Variants in TRIM64B observed in about 807,000 individuals in gnomAD.
TRIM64B encodes tripartite motif-containing protein 64B.
For synonymous variants in TRIM64B, 17 were observed against 190.3 expected, an observed-to-expected ratio of 0.09 and a Z score of 7.50; for missense variants, 57 against 536.4, an observed-to-expected ratio of 0.11 and a Z score of 8.83.
chr11:89,871,332 T>C (rs1590884184), intron 5 of TRIM64B, among the ~76,000 whole-genome samples: 1 of 152,330 alleles, frequency 6.6e-6, no homozygotes, highest in East Asian at 1.9e-4. Flanking sequence ...AACGTGACCA[T>C]ACCACAGGGG....
At chr11:89,872,519 A>T in intron 4 of TRIM64B, among the ~76,000 whole-genome samples, 1 of 151,754 alleles carries the variant, frequency 6.6e-6, no homozygotes, top group Non-Finnish European at 1.5e-5. Flanking sequence ...TTCCCCAGAT[A>T]CGTTATTCTC....
At chr11:89,876,921 G>C (rs1469693458), upstream of TRIM64B, among the ~76,000 whole-genome samples, 7 of 148,914 alleles carry the variant, frequency 4.7e-5, no homozygotes, top group African/African-American at 1.7e-4. Flanking sequence ...GTCATTCCCA[G>C]TTACCTAGAC....
At position 89,873,093 on chromosome 11, in the gene TRIM64B, T is replaced by C. The variant is rs576815316; in HGVS notation, c.758+175A>G. Among the ~76,000 whole-genome samples, 17 of 152,234 alleles carry C rather than the reference T, an allele frequency of 1.1e-4. No individual in the cohort carries two copies. The South Asian group carries it at 2.9e-3, about 26-fold the overall frequency. ...TTGTTTTTATGTATGTTTTAATTCA[T>C]ACAAATTTTAAGATGAAAACTTTCC... is the stretch of plus-strand genomic sequence containing the variant. On this transcript the variant is annotated intron_variant, in intron 4 of 5. Transcript: ENST00000329862.
upstream of TRIM64B, among the ~76,000 whole-genome samples, chr11:89,876,235 T>A (rs1273588566): frequency 3.6e-5 from 5 of 137,126 alleles, no homozygotes; most frequent in African/African-American, 1.0e-4. Context: ...GAAGATTCGG[T>A]CAAGGACTCC....
At chr11:89,877,465 C>T (rs1385556013), upstream of TRIM64B, among the ~76,000 whole-genome samples, 1 of 144,500 alleles carries the variant, frequency 6.9e-6, no homozygotes, top group Admixed American at 7.0e-5. Context: ...TTCCACTCTA[C>T]ACTAGAAAAT....
chr11:89,873,113 C>T (rs1473952319), intron 4 of TRIM64B, among the ~76,000 whole-genome samples, 155 bp downstream of exon 5: 1 of 152,102 alleles, frequency 6.6e-6, no homozygotes, highest in South Asian at 2.1e-4. Flanking sequence ...AAGATGAAAA[C>T]TTTCCAGACC....
chr11:89,875,144 A>G (rs1773826079), intron 1 of TRIM64B, 71 bp from the exon 3 acceptor site: 1 of 1,524,446 alleles, frequency 6.6e-7, no homozygotes, highest in Non-Finnish European at 8.8e-7. Context: ...ATCTTAAAAA[A>G]AAAGGCTGTA....
intron 4 of TRIM64B, among the ~76,000 whole-genome samples, 169 bp from the exon 6 acceptor site, chr11:89,872,481 C>G (rs1453899510): frequency 6.6e-6 from 1 of 151,790 alleles, no homozygotes; most frequent in Non-Finnish European, 1.5e-5. Context: ...GTTACTTTTT[C>G]TAAACTTTGC....
upstream of TRIM64B, among the ~76,000 whole-genome samples, chr11:89,877,920 C>T (rs1321460310): frequency 7.4e-5 from 11 of 149,202 alleles, no homozygotes; most frequent in South Asian, 1.3e-3. Context: ...CATGCCCAGC[C>T]GATTAAATCT....
chr11:89,872,953 C>T (rs1344087303), intron 4 of TRIM64B, among the ~76,000 whole-genome samples: 21 of 151,278 alleles, frequency 1.4e-4, no homozygotes, highest in African/African-American at 4.9e-4. Flanking sequence ...AACCTCCCAC[C>T]CCTCTAGAGT....
exon 6 of TRIM64B, chr11:89,870,440 A>G: frequency 1.1e-6 from 1 of 943,490 alleles, no homozygotes. Flanking sequence ...ACAATAACTT[A>G]TTAATTAAAA....
In TRIM64B at chr11:89,874,144, TG is replaced by T. The variant is rs1950140574; in HGVS notation, c.639del (p.Asp213GlufsTer4). 1 of 1,547,376 alleles carries T rather than the reference TG, an allele frequency of 6.5e-7. No individual in the cohort carries two copies. Among genetic ancestry groups the T allele is most frequent in the South Asian group, 1.2e-5 (1 of 83,862 alleles). ...AAATGTTGGGTCATTCTCACTTGACTGTCTTGTAGTTGTTGGAAAAGCTCTT... is the reference window on the plus strand; with the variant it reads ...AAATGTTGGGTCATTCTCACTTGACTTCTTGTAGTTGTTGGAAAAGCTCTT... On this transcript the variant is annotated frameshift_variant, in exon 3 of 6. Transcript: ENST00000329862. LOFTEE classifies it high-confidence loss of function.
chr11:89,876,460 T>C (rs1404616924), upstream of TRIM64B, among the ~76,000 whole-genome samples: 1 of 149,488 alleles, frequency 6.7e-6, no homozygotes, highest in African/African-American at 2.4e-5. Context: ...GCGGTACTCA[T>C]GCCTGTAATC....
upstream of TRIM64B, among the ~76,000 whole-genome samples, chr11:89,876,785 T>G (rs1268688943): frequency 2.0e-5 from 3 of 149,470 alleles, no homozygotes; most frequent in Non-Finnish European, 3.0e-5. Context: ...TAAATATTTT[T>G]TATCTGAGAT....
intron 5 of TRIM64B, among the ~76,000 whole-genome samples, chr11:89,871,343 AAAT>A (rs1224364379): frequency 1.3e-5 from 2 of 152,224 alleles, no homozygotes; most frequent in African/African-American, 2.4e-5. Context: ...ACCACAGGGG[AAAT>A]AATGATTTAA....
chr11:89,875,111 A>G, intron 1 of TRIM64B, 38 bp from the exon 3 acceptor site: 4 of 1,538,774 alleles, frequency 2.6e-6, no homozygotes, highest in Non-Finnish European at 3.5e-6. Context: ...TAATGAAGAC[A>G]GTATAGTAGA....
At chr11:89,877,216 A>G (rs1950170984), upstream of TRIM64B, among the ~76,000 whole-genome samples, 1 of 99,128 alleles carries the variant, frequency 1.0e-5, no homozygotes. Flanking sequence ...TAAAATTATC[A>G]ACCATTAAAT....
chr11:89,871,088 T>TC lies in TRIM64B; in HGVS notation c.882dup (p.Ile295AspfsTer9). 6.5e-7 allele frequency: 1 copy of TC among 1,539,608 alleles called. No homozygotes were observed. Among genetic ancestry groups the TC allele is most frequent in the Non-Finnish European group, 8.8e-7 (1 of 1,138,238 alleles). ...TCAGAAAGGCTTATATAGCAAGGAA[T>TC]CATTTCCGTGCTCAGAGCACTATCC... On this transcript the variant is annotated frameshift_variant, in exon 6 of 6. Coordinates refer to ENST00000329862, the Ensembl canonical transcript of TRIM64B. LOFTEE classifies it high-confidence loss of function.
At chr11:89,872,622 C>G (rs1950122733) in intron 4 of TRIM64B, among the ~76,000 whole-genome samples, 1 of 151,852 alleles carries the variant, frequency 6.6e-6, no homozygotes, top group Admixed American at 6.5e-5. Flanking sequence ...GGAAATATTT[C>G]AGAGAGCAGA....
Sources: gnomAD v4.1 joint callset for allele counts (sites outside exome capture counted in the v4.1 genomes callset) on GRCh38, gnomAD v4.1.1 for gene constraint, MANE v1.5 for transcripts, NCBI Gene and HGNC (gene_info 2026-07-23, HGNC 2026-07-21) for gene names.